Variants in CHMP4C observed in about 807,000 individuals in gnomAD.
CHMP4C encodes the protein SNF7 homolog associated with Alix 3.
CHMP4C carries 28 observed loss-of-function variants against 29.0 expected under a neutral mutation model. The observed-to-expected ratio is 0.97, with a 90% CI of 0.72 to 1.32. CHMP4C has a LOEUF of 1.32. Ranked by LOEUF, CHMP4C falls within the 40% of genes most tolerant of loss-of-function variation. CHMP4C has a pLI of 0.00. For synonymous variants in CHMP4C, 106 were observed against 102.4 expected (o/e 1.04, Z -0.21); for missense variants, 291 against 281.0 (o/e 1.04, Z -0.25).
Position 81,758,195 on chromosome 8 carries a change from G to A in CHMP4C, c.537G>A (p.Lys179=). 6.2e-7 allele frequency: 1 copy of A among 1,613,848 alleles called. No individual in the cohort carries two copies. Residue 179 remains lysine (K), a synonymous_variant, in exon 4 of 5, where the codon AAG becomes AAA. Transcript: ENST00000297265. ...EELEQEELNK[K]MTNIRLPNVP... is the part of the protein sequence containing the mutation. ...TGGAACAGGAGGAATTAAATAAGAA[G>A]ATGACAAATATCCGCCTTCCAAATG...
intron 1 of CHMP4C, among the ~76,000 whole-genome samples, chr8:81,747,573 G>C (rs1315758278): frequency 6.6e-6 from 1 of 152,118 alleles, no homozygotes; most frequent in African/African-American, 2.4e-5. Flanking sequence ...GTAATATTAT[G>C]TTTCTGTTAT....
At chr8:81,733,681 G>A (rs1462329689) in intron 1 of CHMP4C, among the ~76,000 whole-genome samples, 2 of 152,142 alleles carry the variant, frequency 1.3e-5, no homozygotes, top group African/African-American at 4.8e-5. Context: ...TCAGTATACT[G>A]CTCCTTCTAT....
At position 81,743,745 on chromosome 8, in the gene CHMP4C, C is replaced by T. The variant is rs373761804; in HGVS notation, c.191-9319C>T. 3.9e-5 allele frequency among the ~76,000 whole-genome samples: 6 copies of T among 152,066 alleles called. No homozygotes were observed. The East Asian group carries it at 7.7e-4, about 20-fold the overall frequency. ...ATTTACCTTTTTAAATATTCTCTTGCGTGATATCCTGGTAGCAAGAATTGC... is the reference window on the plus strand; with the variant it reads ...ATTTACCTTTTTAAATATTCTCTTGTGTGATATCCTGGTAGCAAGAATTGC... On this transcript the variant is annotated intron_variant, in intron 1 of 4. Transcript: ENST00000297265.
chr8:81,750,050 G>C (rs1007273562), intron 1 of CHMP4C, among the ~76,000 whole-genome samples: 2 of 152,130 alleles, frequency 1.3e-5, no homozygotes, highest in Non-Finnish European at 2.9e-5. Context: ...GCCTGATGAT[G>C]CAATAGAAAA....
At chr8:81,747,170 G>A (rs1399388479) in intron 1 of CHMP4C, among the ~76,000 whole-genome samples, 1 of 152,120 alleles carries the variant, frequency 6.6e-6, no homozygotes, top group Non-Finnish European at 1.5e-5. Context: ...CATGCATCAC[G>A]ATTATTACAC....
chr8:81,746,500 G>A (rs895841789), intron 1 of CHMP4C, among the ~76,000 whole-genome samples: 5 of 152,118 alleles, frequency 3.3e-5, no homozygotes, highest in Non-Finnish European at 7.4e-5. Flanking sequence ...CATTGCACTA[G>A]TTTTTATTTT....
Position 81,759,058 on chromosome 8 carries a change from G to GTT in CHMP4C, c.*515_*516dup, listed in dbSNP as rs1809009972. ...GCGGGGGGTGGGGGGGAGAAATAAT[G>GTT]TTATTTCCTATGCGAATGACGTGTA... On this transcript the variant is annotated 3_prime_UTR_variant, in exon 5 of 5. Coordinates refer to ENST00000297265, the MANE Select transcript of CHMP4C (RefSeq NM_152284.4). 2 of 153,072 alleles carry GTT rather than the reference G, an allele frequency of 1.3e-5. No individual in the cohort carries two copies. The highest frequency in any genetic ancestry group is 1.3e-4 in the Admixed American group (2 of 15,336). The allele number at this position is 153,072 out of a possible 1,614,324, so 9.5% of individuals were successfully genotyped here.
At chr8:81,747,331 TA>T (rs1808837861) in intron 1 of CHMP4C, among the ~76,000 whole-genome samples, 1 of 150,464 alleles carries the variant, frequency 6.6e-6, no homozygotes, top group South Asian at 2.1e-4. Flanking sequence ...ATGGAGAACT[TA>T]AAAAAGTTGC....
At chr8:81,756,351 G>T (rs75823694) in intron 3 of CHMP4C, among the ~76,000 whole-genome samples, 5,037 of 152,234 alleles carry the variant, frequency 0.033, 100 homozygotes, top group East Asian at 0.064. Flanking sequence ...TGGGGCAGAA[G>T]AAAACATGCA....
intron 1 of CHMP4C, among the ~76,000 whole-genome samples, chr8:81,744,234 C>T (rs185559690): frequency 6.0e-5 from 9 of 150,460 alleles, no homozygotes; most frequent in Non-Finnish European, 1.2e-4. Context: ...ATCTTTAAAA[C>T]GAAGATGTGC....
At chr8:81,753,321 G>C in intron 2 of CHMP4C, 80 bp downstream of exon 2, 1 of 1,088,418 alleles carries the variant, frequency 9.2e-7, no homozygotes, top group Non-Finnish European at 1.3e-6. Context: ...GATGGTTTTG[G>C]CAGGAATGGG....
At chr8:81,755,514 T>A (rs773648472) in intron 3 of CHMP4C, 30 bp downstream of exon 3, 34 of 1,315,232 alleles carry the variant, frequency 2.6e-5, no homozygotes, top group Non-Finnish European at 1.1e-6. Context: ...GAATGCAGGA[T>A]TGTGGCTGCT....
rs1415210989 is a variant in CHMP4C at position 81,759,195 on chromosome 8, T to G, written c.*651T>G. 1 of 152,588 alleles carries G rather than the reference T, an allele frequency of 6.6e-6. No homozygotes were observed. The highest frequency in any genetic ancestry group is 1.5e-5 in the Non-Finnish European group (1 of 68,022). The allele number at this position is 152,588 out of a possible 1,614,324, so 9.5% of individuals were successfully genotyped here. ...AGTAGTTTCACTTGAGTTTTGCAGT[T>G]TGAAATCTTAAAGGAGCTTTAATTG... On this transcript the variant is annotated 3_prime_UTR_variant, in exon 5 of 5. Coordinates refer to ENST00000297265, the MANE Select transcript of CHMP4C (RefSeq NM_152284.4).
At chr8:81,747,515 T>C (rs939396598) in intron 1 of CHMP4C, among the ~76,000 whole-genome samples, 1 of 152,178 alleles carries the variant, frequency 6.6e-6, no homozygotes, top group Non-Finnish European at 1.5e-5. Context: ...TAGGATACTC[T>C]GCTGAATAGT....
At chr8:81,748,074 C>T (rs1225778526) in intron 1 of CHMP4C, among the ~76,000 whole-genome samples, 1 of 152,164 alleles carries the variant, frequency 6.6e-6, no homozygotes, top group Non-Finnish European at 1.5e-5. Flanking sequence ...TGCGCATTCT[C>T]TTTCTCAGGG....
intron 1 of CHMP4C, among the ~76,000 whole-genome samples, chr8:81,735,591 A>G (rs1808679319): frequency 6.6e-6 from 1 of 152,178 alleles, no homozygotes; most frequent in Non-Finnish European, 1.5e-5. Context: ...TGTGCAATTG[A>G]AGTTTTATTA....
intron 1 of CHMP4C, among the ~76,000 whole-genome samples, chr8:81,739,553 C>A (rs772002012): frequency 6.6e-6 from 1 of 152,150 alleles, no homozygotes; most frequent in African/African-American, 2.4e-5. Flanking sequence ...TCCCCTCAAC[C>A]TTCATCCCTA....
At chr8:81,746,634 T>C (rs954552502) in intron 1 of CHMP4C, among the ~76,000 whole-genome samples, 1 of 152,222 alleles carries the variant, frequency 6.6e-6, no homozygotes, top group African/African-American at 2.4e-5. Flanking sequence ...CCCTCTGAGT[T>C]TGGGACTCTG....
At chr8:81,744,790 C>T (rs1009822850) in intron 1 of CHMP4C, among the ~76,000 whole-genome samples, 2 of 152,186 alleles carry the variant, frequency 1.3e-5, no homozygotes, top group Non-Finnish European at 2.9e-5. Context: ...CTCTCTGAGA[C>T]TGGAGCCTTA....
Sources: allele counts gnomAD v4.1 joint callset (sites outside exome capture counted in the v4.1 genomes callset), GRCh38; gene constraint gnomAD v4.1.1; transcripts MANE v1.5; gene names NCBI Gene and HGNC (gene_info 2026-07-23, HGNC 2026-07-21).